The following NKAIN3 variants were observed in gnomAD, a reference collection of about 807,000 sequenced individuals.
The protein encoded by NKAIN3 is sodium/potassium-transporting ATPase subunit beta-1-interacting protein 3.
A neutral mutation model predicts 30.2 loss-of-function variants in NKAIN3; 25 were observed. The observed-to-expected ratio is 0.83, with a 90% CI of 0.60 to 1.16. NKAIN3 has a LOEUF of 1.16. Among genes scored for constraint, NKAIN3 ranks in the 50% most tolerant of loss-of-function variants. The pLI, the probability that NKAIN3 is intolerant of heterozygous loss-of-function variation, is 0.00. For missense variants in NKAIN3, 225 were observed against 254.1 expected (o/e 0.89, Z 0.78); for synonymous variants, 91 against 89.6 (o/e 1.02, Z -0.09).
intron 4 of NKAIN3, among the ~76,000 whole-genome samples, chr8:62,764,173 C>T (rs1354194487): frequency 6.6e-6 from 1 of 152,222 alleles, no homozygotes; most frequent in Non-Finnish European, 1.5e-5. Context: ...ATGGCAGTGC[C>T]TGTCCAAGAT....
At chr8:62,269,169 C>T (rs1552205) in intron 1 of NKAIN3, among the ~76,000 whole-genome samples, 3 of 151,962 alleles carry the variant, frequency 2.0e-5, no homozygotes, top group Admixed American at 1.3e-4. Context: ...AATAAAACCC[C>T]TGTGCATGGT....
intron 1 of NKAIN3, among the ~76,000 whole-genome samples, chr8:62,535,978 G>A (rs964636131): frequency 4.6e-5 from 7 of 152,108 alleles, no homozygotes; most frequent in African/African-American, 1.4e-4. Context: ...AAGGGCTATG[G>A]GAGTTATGAG....
chr8:62,654,761 C>T (rs561813788), intron 3 of NKAIN3, among the ~76,000 whole-genome samples: 2 of 152,178 alleles, frequency 1.3e-5, no homozygotes, highest in East Asian at 1.9e-4. Context: ...CACACACATT[C>T]TCATGAAACA....
chr8:62,833,031 A>C (rs1056851941), intron 4 of NKAIN3, among the ~76,000 whole-genome samples: 5 of 152,122 alleles, frequency 3.3e-5, no homozygotes, highest in African/African-American at 4.8e-5. Flanking sequence ...ATCAATACCA[A>C]GAAAATCTCT....
At chr8:62,582,891 G>A (rs951239883) in intron 2 of NKAIN3, among the ~76,000 whole-genome samples, 6 of 152,072 alleles carry the variant, frequency 3.9e-5, no homozygotes, top group African/African-American at 4.8e-5. Flanking sequence ...GACCCAGGAG[G>A]GCTGAGAGTC....
intron 4 of NKAIN3, among the ~76,000 whole-genome samples, chr8:62,804,281 G>C (rs1326467412): frequency 1.3e-5 from 2 of 152,112 alleles, no homozygotes; most frequent in Admixed American, 1.3e-4. Context: ...GCATCATCCT[G>C]ATACCAAAGC....
intron 4 of NKAIN3, among the ~76,000 whole-genome samples, chr8:62,803,823 G>A (rs9801935): frequency 2.0e-5 from 3 of 151,910 alleles, no homozygotes; most frequent in Non-Finnish European, 4.4e-5. Context: ...ATGAATCCAG[G>A]AGCTGGTTTT....
In NKAIN3 at chr8:62,965,588, C is replaced by T. The variant is rs1470958931; in HGVS notation, c.*181C>T. ...GTGCTTGGGTGGGTATTTTTTTAGT[C>T]GTTTTCTTCTTATATGAACACTTGT... On this transcript the variant is annotated 3_prime_UTR_variant, in exon 7 of 7. Transcript: ENST00000623646. 3 of 959,452 alleles carry T rather than the reference C, an allele frequency of 3.1e-6. No individual in the cohort carries two copies. The highest frequency in any genetic ancestry group is 4.9e-5 in the South Asian group (1 of 20,596). The allele number at this position is 959,452 out of a possible 1,614,324, so 59.4% of individuals were successfully genotyped here. A position where few individuals can be genotyped will look rare whatever the true frequency, so the allele number is the denominator to read the frequency against.
intron 4 of NKAIN3, among the ~76,000 whole-genome samples, chr8:62,915,764 T>C (rs1349449329): frequency 2.0e-5 from 3 of 152,080 alleles, no homozygotes; most frequent in Non-Finnish European, 2.9e-5. Flanking sequence ...GTCCCGACGT[T>C]ATGAAACCAT....
chr8:62,717,937 C>T (rs1322725137), intron 3 of NKAIN3, among the ~76,000 whole-genome samples: 1 of 152,138 alleles, frequency 6.6e-6, no homozygotes, highest in Non-Finnish European at 1.5e-5. Context: ...ACACTTGAGA[C>T]TGGGCAATTC....
chr8:62,811,365 A>G (rs1818482845), intron 4 of NKAIN3, among the ~76,000 whole-genome samples: 1 of 152,046 alleles, frequency 6.6e-6, no homozygotes, highest in Non-Finnish European at 1.5e-5. Context: ...AAAAGTTTTC[A>G]TTTCTCTGTG....
At chr8:62,423,144 GA>G (rs1804696903) in intron 1 of NKAIN3, among the ~76,000 whole-genome samples, 1 of 152,064 alleles carries the variant, frequency 6.6e-6, no homozygotes, top group Non-Finnish European at 1.5e-5. Flanking sequence ...CCACTGGCCA[GA>G]AAAAGTCACA....
At position 62,760,437 on chromosome 8, in the gene NKAIN3, C is replaced by T. The variant is rs189335639; in HGVS notation, c.471+13308C>T. 3.1e-3 allele frequency among the ~76,000 whole-genome samples: 473 copies of T among 152,166 alleles called. 1 individual carries two copies. Among genetic ancestry groups the T allele is most frequent in the African/African-American group, 0.01 (415 of 41,500 alleles). On this transcript the variant is annotated intron_variant, in intron 4 of 6. Coordinates refer to ENST00000623646, the MANE Select transcript of NKAIN3 (RefSeq NM_001304533.3). ...GTGGCACATATACACCATGGAATAC[C>T]ATGCAGCCATAAAATATGATGAATT...
chr8:62,252,971 C>T (rs1022682748), intron 1 of NKAIN3, among the ~76,000 whole-genome samples: 9 of 152,176 alleles, frequency 5.9e-5, no homozygotes, highest in Admixed American at 5.9e-4. Flanking sequence ...CAGTGAAGCA[C>T]TGAACTAATT....
intron 4 of NKAIN3, among the ~76,000 whole-genome samples, chr8:62,764,372 G>T (rs1476747583): frequency 6.6e-6 from 1 of 152,178 alleles, no homozygotes; most frequent in Non-Finnish European, 1.5e-5. Context: ...GGCCAGTGTT[G>T]GGGAGAGGGC....
chr8:62,472,261 A>G (rs1806377808), intron 1 of NKAIN3, among the ~76,000 whole-genome samples: 1 of 152,138 alleles, frequency 6.6e-6, no homozygotes, highest in Admixed American at 6.5e-5. Flanking sequence ...TGAATCAGGA[A>G]TAGGCTACAA....
intron 1 of NKAIN3, among the ~76,000 whole-genome samples, chr8:62,554,969 G>A (rs965055679): frequency 5.3e-5 from 8 of 150,734 alleles, no homozygotes; most frequent in African/African-American, 2.0e-4. Flanking sequence ...TTGGCATAAT[G>A]CCCTCCAGGT....
At chr8:62,564,359 C>G (rs1203952489) in intron 1 of NKAIN3, among the ~76,000 whole-genome samples, 1 of 152,142 alleles carries the variant, frequency 6.6e-6, no homozygotes, top group Non-Finnish European at 1.5e-5. Context: ...CTCACCCCCA[C>G]TACCTCCCCA....
chr8:62,455,188 C>T (rs1805774839), intron 1 of NKAIN3, among the ~76,000 whole-genome samples: 1 of 152,190 alleles, frequency 6.6e-6, no homozygotes, highest in Non-Finnish European at 1.5e-5. Flanking sequence ...TTAATCTTTA[C>T]ACTGATGGCT....
Sources: gnomAD v4.1 joint callset for allele counts (sites outside exome capture counted in the v4.1 genomes callset) on GRCh38, gnomAD v4.1.1 for gene constraint, MANE v1.5 for transcripts, NCBI Gene and HGNC (gene_info 2026-07-23, HGNC 2026-07-21) for gene names.